LINGO2: variants seen among roughly 807,000 people sequenced by gnomAD.
LINGO2 encodes the protein leucine rich repeat and Ig domain containing 2, also known as leucine-rich repeat and immunoglobulin-like domain-containing nogo receptor-interacting protein 2.
LINGO2 carries 14 observed loss-of-function variants against 30.6 expected under a neutral mutation model. The observed-to-expected ratio is 0.46, with a 90% CI of 0.30 to 0.72. LINGO2 has a LOEUF of 0.72. Ranked by LOEUF, LINGO2 falls within the 30% of genes least tolerant of loss-of-function variation. LINGO2 has a pLI of 0.07. For synonymous variants in LINGO2, 317 were observed against 288.5 expected (o/e 1.10, Z -1.00); for missense variants, 729 against 751.7 (o/e 0.97, Z 0.35).
intron 4 of LINGO2, among the ~76,000 whole-genome samples, chr9:28,012,931 A>G (rs1172876685): frequency 6.6e-6 from 1 of 152,162 alleles, no homozygotes; most frequent in Non-Finnish European, 1.5e-5. Context: ...GCTTGTTAAG[A>G]CAGATTCCTG....
chr9:27,941,356 G>A, the LINGO2 span: 105 of 152,526 alleles, frequency 6.9e-4, no homozygotes, highest in Non-Finnish European at 1.2e-3. Flanking sequence ...AGAATCTCTT[G>A]AACCCGGGAC....
intron 1 of LINGO2, among the ~76,000 whole-genome samples, chr9:28,652,529 T>C (rs1373933244): frequency 6.6e-6 from 1 of 152,080 alleles, no homozygotes; most frequent in Non-Finnish European, 1.5e-5. Context: ...TACAGGTTCA[T>C]GCTATGTACT....
chr9:28,322,770 A>G (rs892094435), intron 3 of LINGO2, among the ~76,000 whole-genome samples: 2 of 152,326 alleles, frequency 1.3e-5, no homozygotes, highest in African/African-American at 4.8e-5. Flanking sequence ...ATAAAATCAT[A>G]TAGACAACCT....
chr9:28,418,795 G>A (rs1321979723), intron 2 of LINGO2, among the ~76,000 whole-genome samples: 1 of 151,872 alleles, frequency 6.6e-6, no homozygotes, highest in African/African-American at 2.4e-5. Context: ...GATTGCAAAA[G>A]GAAATGTCTG....
At chr9:28,278,089 A>T (rs1304791947) in intron 4 of LINGO2, among the ~76,000 whole-genome samples, 1 of 152,210 alleles carries the variant, frequency 6.6e-6, no homozygotes, top group Non-Finnish European at 1.5e-5. Flanking sequence ...CAAACCAGAC[A>T]CAAGATTCCA....
chr9:28,467,423 T>C (rs1825360209), intron 2 of LINGO2, among the ~76,000 whole-genome samples: 2 of 152,142 alleles, frequency 1.3e-5, no homozygotes, highest in African/African-American at 2.4e-5. Context: ...GAGAAACGTA[T>C]AGATTCTGCT....
chr9:28,877,906 T>C, the LINGO2 span, among the ~76,000 whole-genome samples: 1 of 152,202 alleles, frequency 6.6e-6, no homozygotes, highest in African/African-American at 2.4e-5. Context: ...CTTCCATTTG[T>C]TTGTATCCTC....
At chr9:28,961,466 G>A in the LINGO2 span, among the ~76,000 whole-genome samples, 4 of 152,068 alleles carry the variant, frequency 2.6e-5, no homozygotes, top group Non-Finnish European at 5.9e-5. Flanking sequence ...AAATGGAGTA[G>A]GACTCATCCA....
At chr9:28,354,072 C>G (rs978558131) in intron 3 of LINGO2, among the ~76,000 whole-genome samples, 1 of 151,940 alleles carries the variant, frequency 6.6e-6, no homozygotes, top group African/African-American at 2.4e-5. Flanking sequence ...TTAGTGGGTG[C>G]AGCGCACCAG....
At chr9:28,210,652 T>G (rs1179285965) in intron 4 of LINGO2, among the ~76,000 whole-genome samples, 2 of 151,678 alleles carry the variant, frequency 1.3e-5, no homozygotes, top group Non-Finnish European at 3.0e-5. Context: ...TATGTAAATT[T>G]GTGTTTTATG....
chr9:29,173,602 T>C, the LINGO2 span, among the ~76,000 whole-genome samples: 2 of 152,116 alleles, frequency 1.3e-5, no homozygotes, highest in Non-Finnish European at 2.9e-5. Context: ...TGTCTCTTCG[T>C]CTTAAATATC....
chr9:28,745,427 G>T, the LINGO2 span, among the ~76,000 whole-genome samples: 2 of 151,974 alleles, frequency 1.3e-5, no homozygotes, highest in Non-Finnish European at 2.9e-5. Flanking sequence ...TGTGAATAAT[G>T]GAGTGAATTA....
At chr9:28,141,696 C>A (rs1827676784) in intron 4 of LINGO2, among the ~76,000 whole-genome samples, 1 of 152,080 alleles carries the variant, frequency 6.6e-6, no homozygotes, top group African/African-American at 2.4e-5. Context: ...GCGGGCGGAT[C>A]ACGAGGTCAG....
At chr9:28,270,092 C>CA (rs1411418551) in intron 4 of LINGO2, among the ~76,000 whole-genome samples, 1 of 152,066 alleles carries the variant, frequency 6.6e-6, no homozygotes, top group Non-Finnish European at 1.5e-5. Flanking sequence ...TCTGAAGATA[C>CA]CCTGGCACTA....
In LINGO2 at chr9:28,038,929, A is replaced by G. The variant is rs151156522; in HGVS notation, c.-86-26524T>C. ...AGTTGTTCGCTCTCTAGAAGTTGTC[A>G]CTAAATCTCTTCCAAATAAACCTTC... On this transcript the variant is annotated intron_variant, in intron 4 of 5. Transcript: ENST00000379992. Among the ~76,000 whole-genome samples, 300 of 152,318 alleles carry G rather than the reference A, an allele frequency of 2.0e-3. 1 individual carries two copies. The highest frequency in any genetic ancestry group is 6.5e-3 in the African/African-American group (270 of 41,570).
chr9:28,279,997 C>T (rs539012855), intron 4 of LINGO2, among the ~76,000 whole-genome samples: 2 of 151,968 alleles, frequency 1.3e-5, no homozygotes, highest in African/African-American at 4.8e-5. Context: ...TTAGGACAGT[C>T]GAAGGAGTAT....
chr9:28,615,384 T>C (rs924748882), intron 1 of LINGO2, among the ~76,000 whole-genome samples: 4 of 152,162 alleles, frequency 2.6e-5, no homozygotes, highest in Non-Finnish European at 4.4e-5. Flanking sequence ...CCTCGAAGAA[T>C]GCTCAGTATA....
chr9:28,122,578 C>T (rs1827127531), intron 4 of LINGO2, among the ~76,000 whole-genome samples: 2 of 152,108 alleles, frequency 1.3e-5, no homozygotes. Context: ...TTATTTTTCC[C>T]ACCATGTTAC....
chr9:28,398,749 A>AT (rs966633034), intron 2 of LINGO2, among the ~76,000 whole-genome samples: 1 of 152,022 alleles, frequency 6.6e-6, no homozygotes. Flanking sequence ...AACTTATATA[A>AT]TTTTTTGCTT....
Sources: allele counts gnomAD v4.1 joint callset (sites outside exome capture counted in the v4.1 genomes callset), GRCh38; gene constraint gnomAD v4.1.1; transcripts MANE v1.5; gene names NCBI Gene and HGNC (gene_info 2026-07-23, HGNC 2026-07-21).